Variants in MAGI2 observed in about 807,000 individuals in gnomAD.
MAGI2 encodes the protein membrane-associated guanylate kinase, WW and PDZ domain-containing protein 2.
A neutral mutation model predicts 133.3 loss-of-function variants in MAGI2; 35 were observed. The observed-to-expected ratio is 0.26, with a 90% confidence interval of 0.20 to 0.35. The LOEUF is 0.35. MAGI2 is among the 10% of genes least tolerant of loss of function. The probability of loss-of-function intolerance (pLI) is 1.00; values close to 1 mark genes in which losing one functional copy is unlikely to be tolerated. For missense variants in MAGI2, 1,636 were observed against 1,863.4 expected (o/e 0.88, Z 2.25); for synonymous variants, 729 against 710.6 (o/e 1.03, Z -0.41).
At chr7:78,724,406 G>T (rs1820562194) in intron 2 of MAGI2, among the ~76,000 whole-genome samples, 1 of 152,232 alleles carries the variant, frequency 6.6e-6, no homozygotes, top group East Asian at 1.9e-4. Context: ...CACCTATGAT[G>T]GTACCATAGT....
chr7:79,229,432 A>T (rs993519311), intron 1 of MAGI2, among the ~76,000 whole-genome samples: 4 of 152,306 alleles, frequency 2.6e-5, no homozygotes, highest in African/African-American at 9.6e-5. Context: ...TCGGCATAGA[A>T]GGGGGAAAAA....
chr7:79,452,272 T>G (rs1849332372), intron 1 of MAGI2, among the ~76,000 whole-genome samples: 1 of 152,176 alleles, frequency 6.6e-6, no homozygotes. Flanking sequence ...AGCACTAGAC[T>G]GCGCTCCTAG....
intron 15 of MAGI2, among the ~76,000 whole-genome samples, chr7:78,162,481 C>T (rs552020672): frequency 4.7e-5 from 7 of 147,472 alleles, no homozygotes; most frequent in African/African-American, 1.5e-4. Context: ...GCCAAAATCA[C>T]ACCACTGCAC....
intron 2 of MAGI2, among the ~76,000 whole-genome samples, chr7:78,819,778 A>G (rs1334670194): frequency 6.6e-6 from 1 of 152,048 alleles, no homozygotes; most frequent in Admixed American, 6.5e-5. Flanking sequence ...CCCATACATG[A>G]AAGTTTTATA....
intron 2 of MAGI2, among the ~76,000 whole-genome samples, chr7:78,703,744 C>A (rs917708951): frequency 2.0e-5 from 3 of 151,822 alleles, no homozygotes; most frequent in African/African-American, 7.3e-5. Context: ...AGTTTATATA[C>A]CATGCCACCA....
At chr7:78,126,490 G>A (rs1392651900) in intron 19 of MAGI2, among the ~76,000 whole-genome samples, 1 of 152,164 alleles carries the variant, frequency 6.6e-6, no homozygotes, top group Non-Finnish European at 1.5e-5. Context: ...ATGTAGTTAC[G>A]AAGTAGGAAA....
intron 10 of MAGI2, among the ~76,000 whole-genome samples, chr7:78,207,253 A>G (rs1787195509): frequency 1.3e-5 from 2 of 152,148 alleles, no homozygotes; most frequent in African/African-American, 4.8e-5. Flanking sequence ...GAAGGATTGT[A>G]GGGAATAAAC....
chr7:78,424,743 T>C (rs939627157), intron 6 of MAGI2, among the ~76,000 whole-genome samples: 3 of 152,196 alleles, frequency 2.0e-5, no homozygotes, highest in Non-Finnish European at 2.9e-5. Context: ...AAGATTTGAC[T>C]ACCCTGCTGG....
At chr7:79,352,523 T>C (rs756130368) in intron 1 of MAGI2, among the ~76,000 whole-genome samples, 2 of 152,234 alleles carry the variant, frequency 1.3e-5, no homozygotes, top group Non-Finnish European at 2.9e-5. Context: ...GCCCAGACTC[T>C]GCTAAGCAGA....
At chr7:78,422,580 C>CAAAAA (rs11441295) in intron 6 of MAGI2, among the ~76,000 whole-genome samples, 29 of 112,904 alleles carry the variant, frequency 2.6e-4, no homozygotes, top group African/African-American at 8.3e-4. Flanking sequence ...TGTGTAAAGG[C>CAAAAA]AAAAAAAAAA....
chr7:78,072,013 C>G (rs1175573006), intron 21 of MAGI2, among the ~76,000 whole-genome samples: 1 of 152,142 alleles, frequency 6.6e-6, no homozygotes, highest in Admixed American at 6.6e-5. Flanking sequence ...GGCACGTCAG[C>G]ACACCAAGGC....
intron 1 of MAGI2, among the ~76,000 whole-genome samples, chr7:79,059,682 C>G (rs1813525510): frequency 6.6e-6 from 1 of 152,046 alleles, no homozygotes; most frequent in Non-Finnish European, 1.5e-5. Context: ...ATACAATAAT[C>G]AAGGTAGCAT....
intron 5 of MAGI2, among the ~76,000 whole-genome samples, chr7:78,500,324 G>A (rs1472740723): frequency 2.0e-5 from 3 of 152,124 alleles, no homozygotes; most frequent in African/African-American, 7.2e-5. Flanking sequence ...AATAATCAGA[G>A]TTTTCATATT....
intron 1 of MAGI2, among the ~76,000 whole-genome samples, chr7:79,236,739 CA>C (rs967939244): frequency 6.6e-6 from 1 of 151,730 alleles, no homozygotes; most frequent in Non-Finnish European, 1.5e-5. Flanking sequence ...TTTTTAATAG[CA>C]AAAAAAGAAA....
intron 2 of MAGI2, among the ~76,000 whole-genome samples, chr7:78,919,553 G>A (rs1563663666): frequency 6.6e-6 from 1 of 152,046 alleles, no homozygotes. Context: ...AAATAGCTTT[G>A]AAGCTATTAA....
chr7:78,911,807 A>C (rs1165745213), intron 2 of MAGI2, among the ~76,000 whole-genome samples: 24 of 151,970 alleles, frequency 1.6e-4, no homozygotes, highest in Non-Finnish European at 5.9e-5. Context: ...TCCAGGTATT[A>C]AGCCCAGTAC....
At chr7:79,339,884 T>C (rs1223170521) in intron 1 of MAGI2, among the ~76,000 whole-genome samples, 19 of 152,112 alleles carry the variant, frequency 1.2e-4, no homozygotes, top group Admixed American at 1.2e-3. Flanking sequence ...CTGAGATTTT[T>C]TCCTCCTGTA....
In MAGI2 at chr7:79,024,177, C is replaced by T. The variant is rs548617915; in HGVS notation, c.302-16971G>A. Among the ~76,000 whole-genome samples the T allele has an allele frequency of 2.4e-3, 360 of 152,094 alleles. 2 individuals are homozygous for T. The highest frequency in any genetic ancestry group is 6.8e-3 in the Middle Eastern group (2 of 294). ...CAAAATAGAGAGACTATGAATAATT[C>T]CCCACACCTACAATCATCTGATCTT... On this transcript the variant is annotated intron_variant, in intron 1 of 21. Transcript: ENST00000354212.
chr7:79,424,119 A>T (rs1313652143), intron 1 of MAGI2, among the ~76,000 whole-genome samples: 1 of 152,162 alleles, frequency 6.6e-6, no homozygotes, highest in African/African-American at 2.4e-5. Flanking sequence ...GATTTTTCAC[A>T]CAAATAATCT....
Sources: allele counts gnomAD v4.1 joint callset (sites outside exome capture counted in the v4.1 genomes callset), GRCh38; gene constraint gnomAD v4.1.1; transcripts MANE v1.5; gene names NCBI Gene and HGNC (gene_info 2026-07-23, HGNC 2026-07-21).